Variants in MAP2K1 observed in about 807,000 individuals in gnomAD.
MAP2K1 encodes the protein dual specificity mitogen-activated protein kinase kinase 1.
A neutral mutation model predicts 46.3 loss-of-function variants in MAP2K1; 16 were observed. The ratio of observed to expected loss-of-function variants is 0.35; its 90% CI spans 0.23 to 0.52. MAP2K1 has a LOEUF of 0.52. MAP2K1 is among the 20% of genes least tolerant of loss of function. The probability of loss-of-function intolerance (pLI) is 0.94; values close to 1 mark genes in which losing one functional copy is unlikely to be tolerated. For missense variants in MAP2K1, 263 were observed against 497.1 expected (o/e 0.53, Z 4.48); for synonymous variants, 183 against 185.6 (o/e 0.99, Z 0.11).
Position 66,420,793 on chromosome 15 carries a change from G to GTA in MAP2K1, c.81-14226_81-14225dup, listed in dbSNP as rs1555414733. 2.8e-4 allele frequency among the ~76,000 whole-genome samples: 10 copies of GTA among 35,124 alleles called. 3 individuals are homozygous for GTA. The highest frequency in any genetic ancestry group is 8.1e-4 in the Admixed American group (2 of 2,470). 23.0% of individuals were successfully genotyped at this position (35,124 alleles called of 152,430 possible). A position where few individuals can be genotyped will look rare whatever the true frequency, so the allele number is the denominator to read the frequency against. On this transcript the variant is annotated intron_variant, in intron 1 of 10. Transcript: ENST00000307102. Reference sequence around the variant, plus strand: ...TATATATATGTGTATATATATGTGTGTATATATATGTGTATATATATGTGT... The same window carrying GTA: ...TATATATATGTGTATATATATGTGTGTATATATATATGTGTATATATATGTGT...
chr15:66,430,379 C>A (rs1318151570), intron 1 of MAP2K1, among the ~76,000 whole-genome samples: 1 of 152,194 alleles, frequency 6.6e-6, no homozygotes, highest in African/African-American at 2.4e-5. Context: ...TGCAGTGTAC[C>A]CTCCTGGCAG....
chr15:66,392,168 C>G (rs1435294555), intron 1 of MAP2K1, among the ~76,000 whole-genome samples: 3 of 148,664 alleles, frequency 2.0e-5, no homozygotes, highest in African/African-American at 7.5e-5. Context: ...TTGGCCAGAG[C>G]AAATCATGTG....
At position 66,435,795 on chromosome 15, in the gene MAP2K1, T is replaced by A. The variant is rs954450919; in HGVS notation, c.291+558T>A. Among the ~76,000 whole-genome samples the A allele has an allele frequency of 3.3e-5, 5 of 152,210 alleles. No homozygotes were observed. The East Asian group carries it at 7.7e-4, about 23-fold the overall frequency. Reference sequence around the variant, plus strand: ...TGCCAGGATACCTGTTTATTACTTATCAAGTGCTGGAGAAGCTGCTTTCAT... The same window carrying A: ...TGCCAGGATACCTGTTTATTACTTAACAAGTGCTGGAGAAGCTGCTTTCAT... On this transcript the variant is annotated intron_variant, in intron 2 of 10. Transcript: ENST00000307102.
At chr15:66,477,425 A>G (rs190581016) in intron 5 of MAP2K1, among the ~76,000 whole-genome samples, 2 of 152,328 alleles carry the variant, frequency 1.3e-5, no homozygotes, top group East Asian at 3.9e-4. Context: ...CTTGGAGGGC[A>G]GCCTGTGAAG....
intron 1 of MAP2K1, among the ~76,000 whole-genome samples, chr15:66,393,104 C>A (rs1286508923): frequency 3.3e-5 from 5 of 152,108 alleles, no homozygotes; most frequent in Admixed American, 6.5e-5. Context: ...GTGGAATGTA[C>A]TCAGAAGTGG....
At chr15:66,489,834 C>A in intron 10 of MAP2K1, 71 bp downstream of exon 10, 1 of 1,281,890 alleles carries the variant, frequency 7.8e-7, no homozygotes, top group Non-Finnish European at 1.1e-6. Flanking sequence ...GTCATCTGTG[C>A]AGTACTTCCA....
At chr15:66,432,488 C>T (rs201150972) in intron 1 of MAP2K1, among the ~76,000 whole-genome samples, 3 of 152,310 alleles carry the variant, frequency 2.0e-5, no homozygotes, top group East Asian at 3.9e-4. Context: ...ATTTCTATGG[C>T]GAGTATTAGC....
At chr15:66,411,830 A>G (rs2093411970) in intron 1 of MAP2K1, among the ~76,000 whole-genome samples, 2 of 152,222 alleles carry the variant, frequency 1.3e-5, no homozygotes, top group African/African-American at 4.8e-5. Flanking sequence ...ATTTTAAAAC[A>G]CATTCCCACC....
intron 1 of MAP2K1, among the ~76,000 whole-genome samples, chr15:66,428,607 CCCACAAAAACCA>C (rs1825755781): frequency 1.3e-5 from 2 of 151,852 alleles, no homozygotes; most frequent in South Asian, 4.2e-4. Context: ...CCAAAAAACC[CCCACAAAAACCA>C]AAAACATTTT....
At chr15:66,432,417 T>C (rs559277693) in intron 1 of MAP2K1, among the ~76,000 whole-genome samples, 4 of 152,380 alleles carry the variant, frequency 2.6e-5, no homozygotes, top group South Asian at 2.1e-4. Flanking sequence ...GAATTACTTA[T>C]TTCAAAGAGT....
chr15:66,389,596 T>TG (rs2093352123), intron 1 of MAP2K1, among the ~76,000 whole-genome samples: 10 of 119,302 alleles, frequency 8.4e-5, no homozygotes, highest in Admixed American at 7.9e-4. Flanking sequence ...TTTTTTTTTT[T>TG]GACAGTCTCG....
At chr15:66,394,381 A>G (rs979272192) in intron 1 of MAP2K1, among the ~76,000 whole-genome samples, 1 of 136,300 alleles carries the variant, frequency 7.3e-6, no homozygotes, top group Non-Finnish European at 1.7e-5. Context: ...GGAGGAAGAA[A>G]GGTTGAGACA....
At position 66,436,743 on chromosome 15, in the gene MAP2K1, C is replaced by T. The variant is rs55694358; in HGVS notation, c.292-3C>T. On this transcript the variant is annotated splice_region_variant and splice_polypyrimidine_tract_variant and intron_variant, in intron 2 of 10. Coordinates refer to ENST00000307102, the MANE Select transcript of MAP2K1 (RefSeq NM_002755.4). ...AACCTCTCTTTCTTCCACCTTTCTC[C>T]AGCTAATTCATCTGGAGATCAAACC... 114 of 1,613,968 alleles carry T rather than the reference C, an allele frequency of 7.1e-5. No homozygotes were observed. The highest frequency in any genetic ancestry group is 3.3e-5 in the Admixed American group (2 of 60,004).
rs773755873 is a variant in MAP2K1, at chr15:66,489,238, A to G, written c.984A>G (p.Gly328=). ...VNEPPPKLPS[G]VFSLEFQDFV... is the part of the protein sequence containing the mutation. Reference sequence around the variant, plus strand: ...AGCCTCCTCCAAAACTGCCCAGTGGAGTGTTCAGTCTGGAATTTCAAGATT... The same window carrying G: ...AGCCTCCTCCAAAACTGCCCAGTGGGGTGTTCAGTCTGGAATTTCAAGATT... Residue 328 remains glycine (G), a synonymous_variant, in exon 9 of 11, where the codon GGA becomes GGG. Transcript: ENST00000307102. 6.2e-7 allele frequency: 1 copy of G among 1,614,016 alleles called. No individual in the cohort carries two copies. The highest frequency in any genetic ancestry group is 8.5e-7 in the Non-Finnish European group (1 of 1,179,966).
chr15:66,448,538 G>A (rs989487541), intron 5 of MAP2K1, among the ~76,000 whole-genome samples: 1 of 152,184 alleles, frequency 6.6e-6, no homozygotes, highest in African/African-American at 2.4e-5. Context: ...GAAGAATATT[G>A]TGCAAGTGTT....
chr15:66,420,289 G>A lies in MAP2K1; in HGVS notation c.81-14738G>A, dbSNP rs552732250. Reference sequence around the variant, plus strand: ...ATGAATGAATGAATGCCTTTCAGCCGTGCACAGTGGCTCACACCTGTAATC... The same window carrying A: ...ATGAATGAATGAATGCCTTTCAGCCATGCACAGTGGCTCACACCTGTAATC... On this transcript the variant is annotated intron_variant, in intron 1 of 10. Coordinates refer to ENST00000307102, the MANE Select transcript of MAP2K1 (RefSeq NM_002755.4). Among the ~76,000 whole-genome samples the A allele has an allele frequency of 5.3e-5, 8 of 149,596 alleles. No homozygotes were observed. In the South Asian group the frequency reaches 6.4e-4, roughly 12 times the overall value.
chr15:66,490,042 C>T (rs528170073), intron 10 of MAP2K1: 88 of 566,560 alleles, frequency 1.6e-4, no homozygotes, highest in Non-Finnish European at 2.4e-4. Context: ...CATGGGGATG[C>T]GGCCTTTCCC....
intron 5 of MAP2K1, among the ~76,000 whole-genome samples, chr15:66,480,992 A>G (rs1176191080): frequency 6.6e-6 from 1 of 152,216 alleles, no homozygotes; most frequent in African/African-American, 2.4e-5. Context: ...ACTAAGGGCC[A>G]ATGTACTGGT....
At chr15:66,483,837 T>G (rs1892972727) in intron 6 of MAP2K1, among the ~76,000 whole-genome samples, 1 of 149,004 alleles carries the variant, frequency 6.7e-6, no homozygotes, top group Non-Finnish European at 1.5e-5. Context: ...AAGCCCTGCC[T>G]CCCAGGTTCA....
Sources: allele counts gnomAD v4.1 joint callset (sites outside exome capture counted in the v4.1 genomes callset), GRCh38; gene constraint gnomAD v4.1.1; transcripts MANE v1.5; gene names NCBI Gene and HGNC (gene_info 2026-07-23, HGNC 2026-07-21).